IKZF1: variants seen among roughly 807,000 people sequenced by gnomAD.
IKZF1 encodes the protein DNA-binding protein Ikaros.
IKZF1 carries 10 observed loss-of-function variants against 51.7 expected under a neutral mutation model. That is an observed-to-expected ratio of 0.19 (90% CI 0.12 to 0.33). IKZF1 has a LOEUF of 0.33. IKZF1 is among the 10% of genes least tolerant of loss of function. IKZF1 has a pLI of 1.00. For synonymous variants in IKZF1, 280 were observed against 282.3 expected (o/e 0.99, Z 0.08); for missense variants, 484 against 707.5 (o/e 0.68, Z 3.58).
At chr7:50,316,337 G>A (rs1303354279) in intron 1 of IKZF1, among the ~76,000 whole-genome samples, 1 of 152,212 alleles carries the variant, frequency 6.6e-6, no homozygotes, top group Admixed American at 6.5e-5. Context: ...GAAGCCCCCT[G>A]CTGTCAGAAA....
intron 3 of IKZF1, among the ~76,000 whole-genome samples, chr7:50,370,473 A>G (rs546348846): frequency 6.6e-6 from 1 of 152,338 alleles, no homozygotes; most frequent in Non-Finnish European, 1.5e-5. Flanking sequence ...AAACTTGTCT[A>G]TCTACCAAAG....
chr7:50,316,584 G>T (rs768374022), intron 1 of IKZF1, among the ~76,000 whole-genome samples: 14 of 152,242 alleles, frequency 9.2e-5, no homozygotes, highest in Non-Finnish European at 2.1e-4. Context: ...CAGGAGACTG[G>T]TGCGGGGACT....
chr7:50,319,968 G>T (rs148235625), intron 2 of IKZF1, among the ~76,000 whole-genome samples: 1 of 152,152 alleles, frequency 6.6e-6, no homozygotes, highest in Non-Finnish European at 1.5e-5. Context: ...CTGCTTGGTG[G>T]TTTCCCTGGG....
At chr7:50,396,499 C>T (rs1469374969) in intron 7 of IKZF1, among the ~76,000 whole-genome samples, 2 of 152,202 alleles carry the variant, frequency 1.3e-5, no homozygotes, top group East Asian at 3.8e-4. Flanking sequence ...AATTATGAGG[C>T]ATTTCCTCTC....
chr7:50,317,197 G>A (rs985595170), intron 1 of IKZF1, among the ~76,000 whole-genome samples: 3 of 152,184 alleles, frequency 2.0e-5, no homozygotes, highest in Non-Finnish European at 2.9e-5. Context: ...ATTTCGTGTT[G>A]TTATAGTTGC....
intron 3 of IKZF1, among the ~76,000 whole-genome samples, chr7:50,343,179 CCTCCCTTCCCCTCGT>C (rs1321113561): frequency 1.5e-3 from 164 of 107,048 alleles, no homozygotes; most frequent in African/African-American, 4.5e-3. Flanking sequence ...CCCCACCCTC[CCTCCCTTCCCCTCGT>C]CTCCCTTCCC....
At chr7:50,395,968 G>A (rs1816596389) in intron 7 of IKZF1, among the ~76,000 whole-genome samples, 2 of 152,118 alleles carry the variant, frequency 1.3e-5, no homozygotes, top group Admixed American at 1.3e-4. Context: ...TCTTCTTCAA[G>A]GTGATTTGCA....
intron 3 of IKZF1, among the ~76,000 whole-genome samples, chr7:50,343,249 T>A (rs1341246434): frequency 7.2e-6 from 1 of 138,204 alleles, no homozygotes; most frequent in African/African-American, 2.6e-5. Flanking sequence ...TCCTCCTTTT[T>A]CTTTCCCTTT....
chr7:50,365,256 C>T (rs1806533602), intron 3 of IKZF1, among the ~76,000 whole-genome samples: 1 of 152,218 alleles, frequency 6.6e-6, no homozygotes, highest in South Asian at 2.1e-4. Context: ...ACTTCTTTTA[C>T]TGAGCCCAGA....
At chr7:50,387,308 T>G in intron 5 of IKZF1, 37 bp from the exon 6 acceptor site, 3 of 1,597,820 alleles carry the variant, frequency 1.9e-6, no homozygotes, top group Non-Finnish European at 2.6e-6. Context: ...AGGCTGGCAT[T>G]TAATTGGGGT....
chr7:50,310,079 T>C (rs1789796556), intron 1 of IKZF1, among the ~76,000 whole-genome samples: 1 of 152,364 alleles, frequency 6.6e-6, no homozygotes, highest in South Asian at 2.1e-4. Flanking sequence ...TCGTATATTC[T>C]ATTTCATTAA....
At chr7:50,356,569 G>A (rs1036946500) in intron 3 of IKZF1, among the ~76,000 whole-genome samples, 20 of 152,172 alleles carry the variant, frequency 1.3e-4, no homozygotes, top group Non-Finnish European at 2.5e-4. Flanking sequence ...GTGTGTCTGT[G>A]CGTGTGCATG....
Position 50,316,495 on chromosome 7 carries a change from A to G in IKZF1, c.-14-2553A>G, listed in dbSNP as rs1418907268. On this transcript the variant is annotated intron_variant, in intron 1 of 7. Coordinates refer to ENST00000331340, the MANE Select transcript of IKZF1 (RefSeq NM_006060.6). ...AAATGCAGAGCTCTCTGGCTCTTGCAGACTTGGCTGCTGACAATAGACGCG... is the reference window on the plus strand; with the variant it reads ...AAATGCAGAGCTCTCTGGCTCTTGCGGACTTGGCTGCTGACAATAGACGCG... 2.0e-5 allele frequency among the ~76,000 whole-genome samples: 3 copies of G among 152,258 alleles called. No homozygotes were observed. The East Asian group carries it at 5.8e-4, about 29-fold the overall frequency.
chr7:50,314,506 A>T (rs1372430094), intron 1 of IKZF1, among the ~76,000 whole-genome samples: 1 of 152,228 alleles, frequency 6.6e-6, no homozygotes, highest in Non-Finnish European at 1.5e-5. Context: ...TTAATTTGGC[A>T]CGCTGTGTAC....
At chr7:50,372,370 C>T (rs1272868794) in intron 3 of IKZF1, among the ~76,000 whole-genome samples, 2 of 152,232 alleles carry the variant, frequency 1.3e-5, no homozygotes, top group Non-Finnish European at 2.9e-5. Flanking sequence ...CCTGCCAGCA[C>T]CTGGCAGTCA....
chr7:50,332,350 A>G, intron 3 of IKZF1, among the ~76,000 whole-genome samples: 1 of 152,174 alleles, frequency 6.6e-6, no homozygotes, highest in African/African-American at 2.4e-5. Flanking sequence ...TCTTGTACAC[A>G]TTTCCGTGTC....
At chr7:50,351,794 C>G (rs942172709) in intron 3 of IKZF1, among the ~76,000 whole-genome samples, 2 of 152,172 alleles carry the variant, frequency 1.3e-5, no homozygotes, top group Non-Finnish European at 2.9e-5. Flanking sequence ...TCAAGCCTAC[C>G]TCATTTTATT....
intron 3 of IKZF1, among the ~76,000 whole-genome samples, chr7:50,350,379 G>A (rs116259415): frequency 0.01 from 1,549 of 152,286 alleles, 27 homozygotes; most frequent in African/African-American, 0.035. Context: ...TGGCTTTCAC[G>A]GTGCAGATGC....
At chr7:50,375,002 G>A (rs187368124) in intron 3 of IKZF1, among the ~76,000 whole-genome samples, 11 of 152,226 alleles carry the variant, frequency 7.2e-5, no homozygotes, top group East Asian at 1.9e-4. Flanking sequence ...TGGGCCCACC[G>A]AGAGTTCCTG....
Sources: allele counts gnomAD v4.1 joint callset (sites outside exome capture counted in the v4.1 genomes callset), GRCh38; gene constraint gnomAD v4.1.1; transcripts MANE v1.5; gene names NCBI Gene and HGNC (gene_info 2026-07-23, HGNC 2026-07-21).